The following PLET1 variants were observed in gnomAD, a reference collection of about 807,000 sequenced individuals.
The protein encoded by PLET1 is placenta-expressed transcript 1 protein.
In PLET1, 20 loss-of-function variants were observed where a neutral mutation model predicts 18.5. That is an observed-to-expected ratio of 1.08 (90% confidence interval 0.76 to 1.57). The LOEUF is 1.57. PLET1 is among the 40% of genes most tolerant of loss of function. The probability of loss-of-function intolerance (pLI) is 0.00; values close to 1 mark genes in which losing one functional copy is unlikely to be tolerated. For missense variants in PLET1, 256 were observed against 246.4 expected, an observed-to-expected ratio of 1.04 and a Z score of -0.26; for synonymous variants, 93 against 93.8, an observed-to-expected ratio of 0.99 and a Z score of 0.05.
At chr11:112,250,223 T>C (rs1437439831) in intron 3 of PLET1, among the ~76,000 whole-genome samples, 40 of 135,952 alleles carry the variant, frequency 2.9e-4, no homozygotes, top group African/African-American at 9.6e-4. Context: ...AACAAACCTT[T>C]TTTTTTTTTT....
At chr11:112,255,083 TGTGTGGTGTGTGTG>T in intron 2 of PLET1, among the ~76,000 whole-genome samples, 2 of 19,016 alleles carry the variant, frequency 1.1e-4, no homozygotes, top group East Asian at 2.4e-3. Context: ...GTGTGTGGTA[TGTGTGGTGTGTGTG>T]GTATGTATGT....
chr11:112,253,040 C>T (rs1860171797), intron 2 of PLET1, among the ~76,000 whole-genome samples: 1 of 152,118 alleles, frequency 6.6e-6, no homozygotes, highest in South Asian at 2.1e-4. Flanking sequence ...AGTGGTTGAG[C>T]AAGACAGGCC....
chr11:112,250,341 C>T (rs993631933), intron 3 of PLET1, among the ~76,000 whole-genome samples: 24 of 143,908 alleles, frequency 1.7e-4, no homozygotes, highest in African/African-American at 4.8e-4. Context: ...CAAGCACATT[C>T]CTTGCCAGTC....
chr11:112,254,872 TGC>T (rs1860202736), intron 2 of PLET1, among the ~76,000 whole-genome samples: 1 of 129,054 alleles, frequency 7.7e-6, no homozygotes, highest in African/African-American at 2.9e-5. Context: ...GTGTGTGTGG[TGC>T]ATGTGGTATG....
At chr11:112,254,304 AGT>A (rs1173227799) in intron 2 of PLET1, among the ~76,000 whole-genome samples, 14 of 131,824 alleles carry the variant, frequency 1.1e-4, no homozygotes, top group Non-Finnish European at 1.9e-4. Flanking sequence ...TGTGGTGTGT[AGT>A]GTGAGTAGCA....
intron 3 of PLET1, among the ~76,000 whole-genome samples, chr11:112,249,963 TA>T (rs61227342): frequency 8.8e-4 from 93 of 105,490 alleles, no homozygotes; most frequent in East Asian, 1.2e-3. Context: ...TCTCAAAAAT[TA>T]AAAAAAAAAA....
intron 1 of PLET1, 169 bp downstream of exon 1, chr11:112,260,237 A>G (rs1051517584): frequency 5.7e-6 from 4 of 704,222 alleles, no homozygotes; most frequent in Non-Finnish European, 8.8e-6. Flanking sequence ...ATAGCCCCCC[A>G]GCCCACTCCC....
chr11:112,257,863 A>G (rs1860239475), intron 1 of PLET1, among the ~76,000 whole-genome samples: 1 of 152,228 alleles, frequency 6.6e-6, no homozygotes, highest in Admixed American at 6.5e-5. Flanking sequence ...CCATTTACTC[A>G]GAGTCCCCAG....
chr11:112,255,070 GGT>G (rs1860209680), intron 2 of PLET1, among the ~76,000 whole-genome samples: 1 of 16,674 alleles, frequency 6.0e-5, no homozygotes, highest in Non-Finnish European at 1.7e-4. Flanking sequence ...GTGTGTGTGT[GGT>G]GTGTGTGGTA....
At position 112,255,398 on chromosome 11, in the gene PLET1, C is replaced by G; in HGVS notation, c.376G>C (p.Val126Leu). ...AAGCTAGGTTCTTACTGTATCTCCA[C>G]TTCAGTTATGTTCTCAGGTTCAGGA... Reference protein sequence around the residue: ...QAPEPENITEVEIQAFTVQIR... With the variant: ...QAPEPENITELEIQAFTVQIR... Residue 126 changes from valine (V) to leucine (L), a missense_variant, in exon 2 of 4, where the codon GTG becomes CTG. Transcript: ENST00000338832. 1 of 1,552,222 alleles carries G rather than the reference C, an allele frequency of 6.4e-7. No individual in the cohort carries two copies. Among genetic ancestry groups the G allele is most frequent in the South Asian group, 1.2e-5 (1 of 84,062 alleles).
intron 3 of PLET1, among the ~76,000 whole-genome samples, chr11:112,250,077 C>G (rs2564874): frequency 6.6e-6 from 1 of 150,868 alleles, no homozygotes; most frequent in Admixed American, 6.6e-5. Context: ...GTAGCATTGT[C>G]TAATCTTTAG....
intron 2 of PLET1, 107 bp downstream of exon 2, chr11:112,255,281 C>A: frequency 8.6e-7 from 1 of 1,167,768 alleles, no homozygotes; most frequent in Non-Finnish European, 1.2e-6. Context: ...GCTGAGTTCT[C>A]CATATCACGT....
At chr11:112,253,462 G>A (rs543088713) in intron 2 of PLET1, among the ~76,000 whole-genome samples, 36 of 152,264 alleles carry the variant, frequency 2.4e-4, no homozygotes, top group African/African-American at 7.7e-4. Flanking sequence ...GGAGGCCAGC[G>A]TGTTATCGCG....
Position 112,260,596 on chromosome 11 carries a change from A to T in PLET1, c.-7T>A, listed in dbSNP as rs758554445. ...TGTCATGGAAGACTGCCATGGTCTC[A>T]GTCTGTTTGGAAAGTGCTAGGCCTG... is the stretch of plus-strand genomic sequence containing the variant. On this transcript the variant is annotated 5_prime_UTR_variant, in exon 1 of 4. Coordinates refer to ENST00000338832, the MANE Select transcript of PLET1 (RefSeq NM_001145024.1). 10 of 1,549,478 alleles carry T rather than the reference A, an allele frequency of 6.5e-6. No homozygotes were observed. In the Admixed American group the frequency reaches 1.4e-4, roughly 21 times the overall value.
chr11:112,255,698 GA>G, intron 1 of PLET1, 109 bp from the exon 2 acceptor site: 2 of 916,510 alleles, frequency 2.2e-6, no homozygotes, highest in South Asian at 2.9e-5. Context: ...AAGTTACAAA[GA>G]ATATGCACAT....
intron 2 of PLET1, 25 bp downstream of exon 2, chr11:112,255,363 A>G: frequency 6.4e-7 from 1 of 1,550,772 alleles, no homozygotes; most frequent in East Asian, 2.4e-5. Flanking sequence ...TTTAAAGCCC[A>G]AAGCAAAGCA....
chr11:112,260,326 C>T (rs979360501), intron 1 of PLET1, 80 bp downstream of exon 1: 99 of 1,297,000 alleles, frequency 7.6e-5, no homozygotes, highest in East Asian at 1.0e-4. Context: ...TTGAGAGTAG[C>T]GATAGAGGGG....
Position 112,260,556 on chromosome 11 carries a change from G to C in PLET1, c.34C>G (p.Leu12Val), listed in dbSNP as rs1341151210. 7.1e-6 allele frequency: 11 copies of C among 1,551,510 alleles called. No homozygotes were observed. Among genetic ancestry groups the C allele is most frequent in the Non-Finnish European group, 9.6e-6 (11 of 1,146,974 alleles). ...AVFHDMLLQP[L>V]GMFLCLSLQL... ...AGACTGAGGCACAGAAACATCCCCA[G>C]TGGCTGCAGCAGCATGTCATGGAAG... The change falls in exon 1 of 4, where the codon CTG (leucine) becomes GTG (valine). Residue 12 changes from leucine (L) to valine (V), a missense_variant. Transcript: ENST00000338832.
intron 3 of PLET1, 78 bp downstream of exon 3, chr11:112,252,270 C>T (rs1860164176): frequency 7.5e-7 from 1 of 1,331,014 alleles, no homozygotes; most frequent in African/African-American, 1.5e-5. Flanking sequence ...ACCCTCTTTT[C>T]TAGGGAACCC....
Sources: gnomAD v4.1 joint callset for allele counts (sites outside exome capture counted in the v4.1 genomes callset) on GRCh38, gnomAD v4.1.1 for gene constraint, MANE v1.5 for transcripts, NCBI Gene and HGNC (gene_info 2026-07-23, HGNC 2026-07-21) for gene names.